Variants in COMMD10 observed in about 807,000 individuals in gnomAD.
The protein encoded by COMMD10 is COMM domain containing 10.
In COMMD10, 33 loss-of-function variants were observed where a neutral mutation model predicts 28.9. The observed-to-expected ratio is 1.14, with a 90% confidence interval of 0.87 to 1.53. COMMD10 has a LOEUF of 1.53. COMMD10 is among the 40% of genes most tolerant of loss of function. COMMD10 has a pLI of 0.00. For synonymous variants in COMMD10, 110 were observed against 81.7 expected (o/e 1.35, Z -1.87); for missense variants, 310 against 233.4 (o/e 1.33, Z -2.14).
intron 5 of COMMD10, among the ~76,000 whole-genome samples, chr5:116,254,484 T>A (rs1011220561): frequency 4.6e-5 from 7 of 151,318 alleles, no homozygotes; most frequent in African/African-American, 1.7e-4. Flanking sequence ...TCCCAGAGAT[T>A]CTGGTATGTT....
At chr5:116,288,839 TC>T (rs1751286973) in intron 5 of COMMD10, among the ~76,000 whole-genome samples, 1 of 151,094 alleles carries the variant, frequency 6.6e-6, no homozygotes, top group Non-Finnish European at 1.5e-5. Flanking sequence ...TGTATCATTT[TC>T]CTGATTGTTT....
chr5:116,201,505 A>G (rs1405914387), intron 5 of COMMD10, among the ~76,000 whole-genome samples: 1 of 152,194 alleles, frequency 6.6e-6, no homozygotes, highest in Non-Finnish European at 1.5e-5. Flanking sequence ...TTCTACTCCA[A>G]TAAGTTACAA....
intron 5 of COMMD10, among the ~76,000 whole-genome samples, chr5:116,256,821 C>G (rs1750300205): frequency 6.6e-6 from 1 of 151,634 alleles, no homozygotes; most frequent in Admixed American, 6.6e-5. Context: ...CATCAGAAAG[C>G]AAAGGTATCC....
At position 116,171,180 on chromosome 5, in the gene COMMD10, C is replaced by T. The variant is rs1047997366; in HGVS notation, c.510+37002C>T. ...AAAATGGGCAAAGGATAGGAACAGA[C>T]ACTTCTTAAAAGAAGACATTTATGC... On this transcript the variant is annotated intron_variant, in intron 5 of 6. Transcript: ENST00000274458. 2.6e-5 allele frequency among the ~76,000 whole-genome samples: 4 copies of T among 152,134 alleles called. No individual in the cohort carries two copies. In the East Asian group the frequency reaches 7.7e-4, roughly 29 times the overall value.
intron 5 of COMMD10, among the ~76,000 whole-genome samples, chr5:116,267,353 T>C (rs1333051501): frequency 6.6e-6 from 1 of 151,836 alleles, no homozygotes. Context: ...TCACAATGGC[T>C]TCAAAGAGAA....
At chr5:116,107,874 G>A (rs569566708) in intron 4 of COMMD10, among the ~76,000 whole-genome samples, 78 of 152,226 alleles carry the variant, frequency 5.1e-4, no homozygotes, top group African/African-American at 1.8e-3. Flanking sequence ...CTGAGTGGCC[G>A]TACTTTTTGT....
intron 5 of COMMD10, among the ~76,000 whole-genome samples, chr5:116,286,629 G>T (rs376303687): frequency 6.6e-5 from 10 of 151,472 alleles, no homozygotes; most frequent in Non-Finnish European, 1.0e-4. Flanking sequence ...CCCATTGATT[G>T]TATGAGAATG....
intron 5 of COMMD10, among the ~76,000 whole-genome samples, chr5:116,284,527 A>G (rs11739446): frequency 0.047 from 7,145 of 151,916 alleles, 271 homozygotes; most frequent in Non-Finnish European, 0.064. Flanking sequence ...TATCCAGACT[A>G]TCTTTCTGAC....
intron 5 of COMMD10, among the ~76,000 whole-genome samples, chr5:116,254,976 G>T (rs968156418): frequency 6.6e-6 from 1 of 151,460 alleles, no homozygotes; most frequent in African/African-American, 2.4e-5. Flanking sequence ...ATGAATCTTG[G>T]TGCTCCTGTA....
chr5:116,190,149 T>C (rs974156170), intron 5 of COMMD10, among the ~76,000 whole-genome samples: 2 of 151,928 alleles, frequency 1.3e-5, no homozygotes, highest in Non-Finnish European at 1.5e-5. Context: ...GCCTCACACA[T>C]CACATGGAGC....
chr5:116,120,275 T>G (rs541336039), intron 4 of COMMD10, among the ~76,000 whole-genome samples: 7 of 152,202 alleles, frequency 4.6e-5, no homozygotes, highest in Non-Finnish European at 8.8e-5. Context: ...TATCTTACGT[T>G]CTCCCTTATT....
chr5:116,180,674 T>C (rs1747925053), intron 5 of COMMD10, among the ~76,000 whole-genome samples: 1 of 150,924 alleles, frequency 6.6e-6, no homozygotes, highest in South Asian at 2.1e-4. Flanking sequence ...AAACCAAAAT[T>C]AAAAAAAAAT....
chr5:116,126,340 C>T (rs561798893), intron 4 of COMMD10, among the ~76,000 whole-genome samples: 2 of 152,232 alleles, frequency 1.3e-5, no homozygotes, highest in Admixed American at 6.5e-5. Flanking sequence ...ATGAAAATGG[C>T]CATACTGCCC....
At chr5:116,156,147 C>G (rs527498984) in intron 5 of COMMD10, among the ~76,000 whole-genome samples, 3 of 152,006 alleles carry the variant, frequency 2.0e-5, no homozygotes, top group Non-Finnish European at 4.4e-5. Context: ...GTTAAGCTGT[C>G]CTACTATCCA....
intron 5 of COMMD10, among the ~76,000 whole-genome samples, chr5:116,167,635 C>T (rs1040843632): frequency 2.8e-4 from 43 of 152,248 alleles, no homozygotes; most frequent in African/African-American, 4.8e-4. Context: ...GCGGATCTCT[C>T]GGCAGAAACC....
chr5:116,245,092 C>A (rs183625382), intron 5 of COMMD10, among the ~76,000 whole-genome samples: 25 of 150,690 alleles, frequency 1.7e-4, no homozygotes, highest in Admixed American at 5.3e-4. Context: ...ACTAGCTAGA[C>A]TAATAAAGAA....
At chr5:116,130,202 T>TAGATGTAGAATGTGCC (rs1561619813) in intron 4 of COMMD10, among the ~76,000 whole-genome samples, 6 of 151,742 alleles carry the variant, frequency 4.0e-5, no homozygotes, top group Admixed American at 3.3e-4. Context: ...TAGAATGTGC[T>TAGATGTAGAATGTGCC]TACTGTATGC....
chr5:116,121,714 G>T (rs1490632177), intron 4 of COMMD10, among the ~76,000 whole-genome samples: 1 of 152,168 alleles, frequency 6.6e-6, no homozygotes, highest in Non-Finnish European at 1.5e-5. Flanking sequence ...GTTTTGATTT[G>T]CATTCTCTGA....
chr5:116,153,795 A>G lies in COMMD10; in HGVS notation c.510+19617A>G, dbSNP rs1293607427. Among the ~76,000 whole-genome samples, 4 of 152,206 alleles carry G rather than the reference A, an allele frequency of 2.6e-5. No homozygotes were observed. In the East Asian group the frequency reaches 7.7e-4, roughly 29 times the overall value. ...TTGCTCTTAAACATTTTGTTTTGAT[A>G]GCCATGAAACCCTCCTCAGGGTAGG... On this transcript the variant is annotated intron_variant, in intron 5 of 6. Coordinates refer to ENST00000274458, the MANE Select transcript of COMMD10 (RefSeq NM_016144.4).
Sources: gnomAD v4.1 joint callset for allele counts (sites outside exome capture counted in the v4.1 genomes callset) on GRCh38, gnomAD v4.1.1 for gene constraint, MANE v1.5 for transcripts, NCBI Gene and HGNC (gene_info 2026-07-23, HGNC 2026-07-21) for gene names.